Variants in PLXNA4 observed in about 807,000 individuals in gnomAD.
PLXNA4 encodes plexin-A4.
A neutral mutation model predicts 191.8 loss-of-function variants in PLXNA4; 44 were observed. The observed-to-expected ratio is 0.23, with a 90% confidence interval of 0.18 to 0.29. The LOEUF is 0.29. Ranked by LOEUF, PLXNA4 falls within the 10% of genes least tolerant of loss-of-function variation. PLXNA4 has a pLI of 1.00. For missense variants in PLXNA4, 1,800 were observed against 2,488.8 expected (o/e 0.72, Z 5.89); for synonymous variants, 1,082 against 1,009.5 (o/e 1.07, Z -1.36).
chr7:132,344,309 A>G (rs1803154553), intron 3 of PLXNA4, among the ~76,000 whole-genome samples: 1 of 152,106 alleles, frequency 6.6e-6, no homozygotes, highest in African/African-American at 2.4e-5. Flanking sequence ...CACAGATATT[A>G]TCATTTTCTA....
At chr7:132,192,318 C>G (rs1323296706) in intron 14 of PLXNA4, among the ~76,000 whole-genome samples, 1 of 152,130 alleles carries the variant, frequency 6.6e-6, no homozygotes, top group Non-Finnish European at 1.5e-5. Flanking sequence ...TAAAATCCAA[C>G]TCAATTAAAC....
intron 2 of PLXNA4, among the ~76,000 whole-genome samples, chr7:132,624,981 C>G (rs934871800): frequency 6.6e-6 from 1 of 152,182 alleles, no homozygotes; most frequent in African/African-American, 2.4e-5. Flanking sequence ...GATAAAATAA[C>G]TCTTCCCCAC....
chr7:132,433,193 A>ATTTTT (rs1795339112), intron 3 of PLXNA4, among the ~76,000 whole-genome samples: 1 of 152,200 alleles, frequency 6.6e-6, no homozygotes, highest in Non-Finnish European at 1.5e-5. Flanking sequence ...TGGGGGGAAA[A>ATTTTT]ATCAATAGTT....
Position 132,145,107 on chromosome 7 carries a change from C to T in PLXNA4, c.5225+12G>A. 6.2e-7 allele frequency: 1 copy of T among 1,614,000 alleles called. No individual in the cohort carries two copies. Among genetic ancestry groups the T allele is most frequent in the Non-Finnish European group, 8.5e-7 (1 of 1,179,972 alleles). On this transcript the variant is annotated intron_variant, in intron 29 of 31. Coordinates refer to ENST00000321063, the MANE Select transcript of PLXNA4 (RefSeq NM_020911.2). ...GGGCTCCCGATGTGCCCCCTGCCCT[C>T]CCTTCACTCACCAATTGCTCTTCCA...
At chr7:132,381,686 G>A (rs1037427608) in intron 3 of PLXNA4, among the ~76,000 whole-genome samples, 2 of 152,210 alleles carry the variant, frequency 1.3e-5, no homozygotes, top group Non-Finnish European at 2.9e-5. Context: ...CACACATTTG[G>A]GATGAATGCG....
chr7:132,626,211 C>G (rs1272078710), intron 2 of PLXNA4, among the ~76,000 whole-genome samples: 1 of 152,182 alleles, frequency 6.6e-6, no homozygotes, highest in Non-Finnish European at 1.5e-5. Flanking sequence ...TCCACATTCC[C>G]ACTGCCACAA....
At chr7:132,584,226 T>C (rs1245879152) in intron 2 of PLXNA4, among the ~76,000 whole-genome samples, 1 of 152,212 alleles carries the variant, frequency 6.6e-6, no homozygotes, top group Non-Finnish European at 1.5e-5. Context: ...CACCTTTTAA[T>C]TAAAAGAAAA....
At chr7:132,482,240 A>C (rs1797368339) in intron 3 of PLXNA4, among the ~76,000 whole-genome samples, 1 of 152,144 alleles carries the variant, frequency 6.6e-6, no homozygotes, top group Non-Finnish European at 1.5e-5. Flanking sequence ...ATGGGGTGTC[A>C]CTTCTGAAAC....
intron 2 of PLXNA4, among the ~76,000 whole-genome samples, chr7:132,624,204 C>T (rs1213697644): frequency 6.6e-6 from 1 of 152,184 alleles, no homozygotes; most frequent in East Asian, 1.9e-4. Flanking sequence ...TCTTCAGGCT[C>T]CAAGTACCCG....
intron 3 of PLXNA4, among the ~76,000 whole-genome samples, chr7:132,362,546 T>C (rs531097257): frequency 1.3e-5 from 2 of 152,324 alleles, no homozygotes; most frequent in East Asian, 3.9e-4. Context: ...GATAGTGACT[T>C]CCTATAGTGC....
chr7:132,497,908 T>G (rs896730019), intron 2 of PLXNA4, among the ~76,000 whole-genome samples: 4 of 152,126 alleles, frequency 2.6e-5, no homozygotes, highest in African/African-American at 9.7e-5. Context: ...GGAAAACGAA[T>G]GTGTAACAGA....
rs1563048426 is a variant in PLXNA4, at chr7:132,132,478, C to CTT, written c.5589+570_5589+571insAA. ...TTCTGTTCTGTTCTGCTCTGCTCTG[C>CTT]TCTGCTCTGCTCTATTCTTTTCTAT... On this transcript the variant is annotated intron_variant, in intron 31 of 31. Transcript: ENST00000321063. Among the ~76,000 whole-genome samples, 355 of 62,486 alleles carry CTT rather than the reference C, an allele frequency of 5.7e-3. 5 individuals carry two copies. Among genetic ancestry groups the CTT allele is most frequent in the South Asian group, 9.0e-3 (14 of 1,560 alleles). 41.0% of individuals were successfully genotyped at this position (62,486 alleles called of 152,430 possible). A position where few individuals can be genotyped will look rare whatever the true frequency, so the allele number is the denominator to read the frequency against.
chr7:132,467,094 A>G (rs923433812), intron 3 of PLXNA4, among the ~76,000 whole-genome samples: 2 of 152,172 alleles, frequency 1.3e-5, no homozygotes, highest in African/African-American at 4.8e-5. Flanking sequence ...CTGAGAAGTC[A>G]CTGGTGGGAT....
chr7:132,183,148 A>G (rs1010811383), intron 16 of PLXNA4, among the ~76,000 whole-genome samples: 2 of 152,186 alleles, frequency 1.3e-5, no homozygotes, highest in Non-Finnish European at 2.9e-5. Context: ...CCACCCATCT[A>G]TCCATCTGCC....
intron 25 of PLXNA4, among the ~76,000 whole-genome samples, chr7:132,152,883 C>T (rs1010452152): frequency 3.9e-5 from 6 of 152,228 alleles, no homozygotes; most frequent in Admixed American, 2.0e-4. Context: ...GCATCTCCTG[C>T]AGTCTCTGTG....
In PLXNA4 at chr7:132,540,569, CTTTTTTT is replaced by C. The variant is rs71915138; in HGVS notation, c.-86-31797_-86-31791del. The stretch of plus-strand genomic sequence containing the variant: ...AGCAGAAGGTGTAGTGTGGACCGTT[CTTTTTTT>C]TTTTTTTTTTTTTTTTTTTTTTGAG... On this transcript the variant is annotated intron_variant, in intron 1 of 31. Coordinates refer to ENST00000321063, the MANE Select transcript of PLXNA4 (RefSeq NM_020911.2). 4.1e-3 allele frequency among the ~76,000 whole-genome samples: 250 copies of C among 60,984 alleles called. 2 individuals carry two copies. The highest frequency in any genetic ancestry group is 0.017 in the African/African-American group (241 of 14,002). 40.0% of individuals were successfully genotyped at this position (60,984 alleles called of 152,430 possible).
At chr7:132,363,128 G>T (rs192928735) in intron 3 of PLXNA4, among the ~76,000 whole-genome samples, 1 of 152,264 alleles carries the variant, frequency 6.6e-6, no homozygotes, top group Non-Finnish European at 1.5e-5. Context: ...GGGACTACAG[G>T]CATGCGCCAC....
At chr7:132,440,012 A>ATG (rs1251930199) in intron 3 of PLXNA4, among the ~76,000 whole-genome samples, 11 of 76,908 alleles carry the variant, frequency 1.4e-4, no homozygotes, top group African/African-American at 4.7e-4. Context: ...GTGTGTGTGT[A>ATG]TGTGTGTGTG....
At chr7:132,277,229 G>A (rs1207969554) in intron 4 of PLXNA4, among the ~76,000 whole-genome samples, 2 of 152,150 alleles carry the variant, frequency 1.3e-5, no homozygotes, top group South Asian at 2.1e-4. Context: ...GGGGGAAGCT[G>A]GATCTCAGGA....
Sources: gnomAD v4.1 joint callset for allele counts (sites outside exome capture counted in the v4.1 genomes callset) on GRCh38, gnomAD v4.1.1 for gene constraint, MANE v1.5 for transcripts, NCBI Gene and HGNC (gene_info 2026-07-23, HGNC 2026-07-21) for gene names.